GRAMD4: variants seen among roughly 807,000 people sequenced by gnomAD.
GRAMD4 encodes the protein GRAM domain containing 4.
Under a neutral mutation model 83.9 loss-of-function variants are expected in GRAMD4, and 25 were observed. That is an observed-to-expected ratio of 0.30 (90% confidence interval 0.22 to 0.42). The LOEUF (loss-of-function observed/expected upper bound fraction) is 0.42, where lower values mean the gene tolerates loss of function less well. GRAMD4 is among the 10% of genes least tolerant of loss of function. The pLI, the probability that GRAMD4 is intolerant of heterozygous loss-of-function variation, is 1.00. For missense variants in GRAMD4, 593 were observed against 788.7 expected (o/e 0.75, Z 2.97); for synonymous variants, 336 against 320.9 (o/e 1.05, Z -0.50).
upstream of GRAMD4, among the ~76,000 whole-genome samples, chr22:46,616,377 TGTAGGTTCCCCTGTGC>T (rs1210784932): frequency 0.011 from 780 of 69,308 alleles, 1 homozygote; most frequent in Middle Eastern, 0.015. Flanking sequence ...TTCCCCTGTG[TGTAGGTTCCCCTGTGC>T]GTGTAGGTTC....
Position 46,622,743 on chromosome 22 carries a change from C to G in GRAMD4, c.-50+2178C>G, listed in dbSNP as rs2081593776. 6.6e-6 allele frequency among the ~76,000 whole-genome samples: 1 copy of G among 152,068 alleles called. No homozygotes were observed. The highest frequency in any genetic ancestry group is 1.9e-4 in the East Asian group (1 of 5,178). On this transcript the variant is annotated intron_variant, in intron 1 of 18. Coordinates refer to ENST00000406902, the MANE Select transcript of GRAMD4 (RefSeq NM_015124.5). The surrounding 1 kb of genome is among the most constrained non-coding windows in gnomAD (Gnocchi z 4.0). Reference sequence around the variant, plus strand: ...CCTGGCTAACATGGCGAAACTCCGTCTCTACTAAAAATACAAAAAATTAGC... The same window carrying G: ...CCTGGCTAACATGGCGAAACTCCGTGTCTACTAAAAATACAAAAAATTAGC...
chr22:46,642,391 T>C (rs1475321199), intron 3 of GRAMD4, among the ~76,000 whole-genome samples: 2 of 152,222 alleles, frequency 1.3e-5, no homozygotes, highest in African/African-American at 4.8e-5. Flanking sequence ...TTCATACAGA[T>C]AATTCTATTG....
intron 3 of GRAMD4, among the ~76,000 whole-genome samples, chr22:46,653,702 G>C (rs942744008): frequency 2.0e-5 from 3 of 152,202 alleles, no homozygotes; most frequent in African/African-American, 7.2e-5. Context: ...GCAGGGAGGG[G>C]CCAAAGTGCC....
chr22:46,609,214 G>T (rs2081394619), intron 1 of GRAMD4, among the ~76,000 whole-genome samples: 1 of 152,194 alleles, frequency 6.6e-6, no homozygotes, highest in Non-Finnish European at 1.5e-5. Flanking sequence ...AGTGGCGCTG[G>T]TTGCTGTCTG....
At chr22:46,679,876 C>T (rs1467118951), downstream of GRAMD4, 2 of 769,490 alleles carry the variant, frequency 2.6e-6, no homozygotes, top group Non-Finnish European at 3.2e-6. Context: ...CTCAGTGCCG[C>T]TGCCAGCCCG....
At chr22:46,649,612 A>G (rs760280449) in intron 3 of GRAMD4, among the ~76,000 whole-genome samples, 1 of 152,356 alleles carries the variant, frequency 6.6e-6, no homozygotes, top group South Asian at 2.1e-4. Context: ...TTGGCCAGCT[A>G]TGTGCTCAGC....
chr22:46,682,538 G>A (rs1400606072), downstream of GRAMD4: 10 of 621,680 alleles, frequency 1.6e-5, no homozygotes, highest in African/African-American at 2.0e-5. Context: ...CGACGAGGGC[G>A]CCCGCCCAGT....
intron 8 of GRAMD4, among the ~76,000 whole-genome samples, chr22:46,664,431 C>G (rs780566092): frequency 6.6e-6 from 1 of 152,204 alleles, no homozygotes. Flanking sequence ...CCGTGCAGTG[C>G]GGTGGCCACG....
chr22:46,584,650 C>A (rs1489973430), intron 1 of GRAMD4, among the ~76,000 whole-genome samples: 1 of 152,128 alleles, frequency 6.6e-6, no homozygotes. Context: ...AGCCCGGGCT[C>A]CCGGTATGCT....
In GRAMD4 at chr22:46,679,147, C is replaced by T; in HGVS notation, c.*1896C>T. ...CCGCAGACAATGGCCACACCTCTCT[C>T]CCCAGGGCCCGGCAGTGCCCAAGGA... is the stretch of plus-strand genomic sequence containing the variant. On this transcript the variant is annotated 3_prime_UTR_variant, in exon 19 of 19. Transcript: ENST00000406902. 1.0e-6 allele frequency: 1 copy of T among 985,502 alleles called. No individual in the cohort carries two copies. The highest frequency in any genetic ancestry group is 1.2e-6 in the Non-Finnish European group (1 of 829,964). The allele number at this position is 985,502 out of a possible 1,614,324, so 61.0% of individuals were successfully genotyped here.
At position 46,622,804 on chromosome 22, in the gene GRAMD4, C is replaced by T. The variant is rs376087684; in HGVS notation, c.-50+2239C>T. Among the ~76,000 whole-genome samples the T allele has an allele frequency of 8.0e-5, 12 of 150,772 alleles. No individual in the cohort carries two copies. In the East Asian group the frequency reaches 1.8e-3, roughly 22 times the overall value. On this transcript the variant is annotated intron_variant, in intron 1 of 18. Transcript: ENST00000406902. The surrounding 1 kb of genome is among the most constrained non-coding windows in gnomAD (Gnocchi z 4.0). ...GCGGGTGCCTGTAGTCCCAGCTACTCGGGAGGCTGAGGCAGGAGAATGGCG... is the reference window on the plus strand; with the variant it reads ...GCGGGTGCCTGTAGTCCCAGCTACTTGGGAGGCTGAGGCAGGAGAATGGCG...
At chr22:46,673,173 C>T (rs1315448483) in intron 14 of GRAMD4, among the ~76,000 whole-genome samples, 176 bp downstream of exon 14, 1 of 152,056 alleles carries the variant, frequency 6.6e-6, no homozygotes, top group Non-Finnish European at 1.5e-5. Context: ...GTTTCTGAGG[C>T]TCATCCAGCC....
rs149468911 is a variant in GRAMD4 at position 46,587,464 on chromosome 22, G to C, written c.-50+10174G>C. ...CGTTTGGGGTCCTGTTCCGGCTTCA[G>C]TGCCCAGGTTTGTGTCTTCTGCTTG... On this transcript the variant is annotated intron_variant, in intron 1 of 1. Transcript: ENST00000431155. 1.4e-3 allele frequency among the ~76,000 whole-genome samples: 210 copies of C among 151,984 alleles called. 7 individuals carry two copies. The East Asian group carries it at 0.037, about 27-fold the overall frequency.
In GRAMD4 at chr22:46,622,971, C is replaced by T. The variant is rs111756958; in HGVS notation, c.-50+2406C>T. Among the ~76,000 whole-genome samples the T allele has an allele frequency of 7.8e-3, 1,183 of 151,244 alleles. 16 individuals carry two copies. The highest frequency in any genetic ancestry group is 0.028 in the African/African-American group (1,141 of 41,172). The stretch of plus-strand genomic sequence containing the variant: ...AATATTTATATTATGTGTGTTTTAC[C>T]GTAATTAAAAAATATTGTGGGAAAA... On this transcript the variant is annotated intron_variant, in intron 1 of 18. Coordinates refer to ENST00000406902, the MANE Select transcript of GRAMD4 (RefSeq NM_015124.5). The surrounding 1 kb of genome is among the most constrained non-coding windows in gnomAD (Gnocchi z 4.0).
intron 9 of GRAMD4, among the ~76,000 whole-genome samples, chr22:46,666,040 C>T (rs1339311968): frequency 6.6e-6 from 1 of 152,240 alleles, no homozygotes; most frequent in African/African-American, 2.4e-5. Context: ...CTCCACGCCC[C>T]GGAAGGTTCC....
intron 2 of GRAMD4, among the ~76,000 whole-genome samples, chr22:46,628,159 A>G (rs889718309): frequency 6.6e-6 from 1 of 152,156 alleles, no homozygotes; most frequent in African/African-American, 2.4e-5. Context: ...CGACACATAC[A>G]TGGTTCAACA....
chr22:46,627,038 C>G lies in GRAMD4; in HGVS notation c.162+77C>G. 15 of 1,023,028 alleles carry G rather than the reference C, an allele frequency of 1.5e-5. No homozygotes were observed. The South Asian group carries it at 1.8e-4, about 12-fold the overall frequency. The allele number at this position is 1,023,028 out of a possible 1,614,324, so 63.4% of individuals were successfully genotyped here. A position where few individuals can be genotyped will look rare whatever the true frequency, so the allele number is the denominator to read the frequency against. On this transcript the variant is annotated intron_variant, in intron 2 of 18. Transcript: ENST00000406902. ...TCTGTGGCCGGGCCAAGCGTGGACT[C>G]AGGCAGATTCGTGTCCTGCCCATGC... is the stretch of plus-strand genomic sequence containing the variant.
intron 2 of GRAMD4, among the ~76,000 whole-genome samples, chr22:46,627,330 C>T (rs2081681410): frequency 6.6e-6 from 1 of 152,238 alleles, no homozygotes; most frequent in Non-Finnish European, 1.5e-5. Flanking sequence ...CCTGGCTTGT[C>T]TTCTATTCAA....
chr22:46,596,189 T>C (rs926140782), intron 1 of GRAMD4, among the ~76,000 whole-genome samples: 1 of 152,244 alleles, frequency 6.6e-6, no homozygotes, highest in Non-Finnish European at 1.5e-5. Context: ...AAGGACTAGC[T>C]GTGCCCAGCC....
Sources: allele counts gnomAD v4.1 joint callset (sites outside exome capture counted in the v4.1 genomes callset), GRCh38; gene constraint gnomAD v4.1.1; non-coding constraint Gnocchi (gnomAD v3.1); transcripts MANE v1.5; gene names NCBI Gene and HGNC (gene_info 2026-07-23, HGNC 2026-07-21).